The following TENM2 variants were observed in gnomAD, a reference collection of about 807,000 sequenced individuals.
TENM2 encodes the protein teneurin transmembrane protein 2.
A neutral mutation model predicts 245.2 loss-of-function variants in TENM2; 52 were observed. That is an observed-to-expected ratio of 0.21 (90% confidence interval 0.17 to 0.27). The LOEUF (loss-of-function observed/expected upper bound fraction) is 0.27, where lower values mean the gene tolerates loss of function less well. Ranked by LOEUF, TENM2 falls within the 10% of genes least tolerant of loss-of-function variation. TENM2 has a pLI of 1.00. For missense variants in TENM2, 3,046 were observed against 3,666.8 expected, an observed-to-expected ratio of 0.83 and a Z score of 4.37; for synonymous variants, 1,363 against 1,438.9, an observed-to-expected ratio of 0.95 and a Z score of 1.19.
rs146964540 is a variant in TENM2, at chr5:168,246,818, G to A, written c.5879G>A (p.Arg1960His). The A allele has an allele frequency of 5.5e-5, 88 of 1,613,830 alleles. 2 individuals are homozygous for A. The highest frequency in any genetic ancestry group is 4.4e-4 in the South Asian group (40 of 91,064). The change falls in exon 27 of 29, where the codon CGC becomes CAC. Residue 1960 changes from arginine to histidine, a missense_variant. Physicochemically the swap from Arg to His is conservative, Grantham distance 29. Around this residue, in one of 2 missense-constraint regions of TENM2, gnomAD observed 2,704 missense variants for 3,331.9 expected, o/e 0.81. Transcript: ENST00000518659. ...ATATTTGAGTATGACTCCTCTGACCGCCTCCTTGCCGTCACCATGCCCAGC... is the reference window on the plus strand; with the variant it reads ...ATATTTGAGTATGACTCCTCTGACCACCTCCTTGCCGTCACCATGCCCAGC...
chr5:167,125,846 T>A, the TENM2 span, among the ~76,000 whole-genome samples: 1 of 152,176 alleles, frequency 6.6e-6, no homozygotes, highest in South Asian at 2.1e-4. Flanking sequence ...CCACTTATGG[T>A]AACTAAAATG....
At chr5:167,897,174 G>A (rs1245945595) in intron 3 of TENM2, among the ~76,000 whole-genome samples, 4 of 152,160 alleles carry the variant, frequency 2.6e-5, no homozygotes, top group Admixed American at 6.5e-5. Flanking sequence ...TGATGAGCTG[G>A]TTTAGTTTAG....
At chr5:167,264,001 A>T in the TENM2 span, among the ~76,000 whole-genome samples, 1 of 151,526 alleles carries the variant, frequency 6.6e-6, no homozygotes, top group South Asian at 2.1e-4. Flanking sequence ...GCTACTTGGG[A>T]GGCTGAGGCA....
At chr5:167,477,080 G>A (rs1178582812) in intron 2 of TENM2, among the ~76,000 whole-genome samples, 4 of 152,042 alleles carry the variant, frequency 2.6e-5, no homozygotes, top group Non-Finnish European at 4.4e-5. Context: ...TTTCCTCAAG[G>A]CAACTATGAT....
At chr5:167,946,334 C>T (rs911768251) in intron 3 of TENM2, among the ~76,000 whole-genome samples, 6 of 146,034 alleles carry the variant, frequency 4.1e-5, no homozygotes, top group African/African-American at 1.3e-4. Flanking sequence ...CTGCTCATTC[C>T]TCATGCTGCC....
Position 168,195,283 on chromosome 5 carries a change from G to A in TENM2, c.2888G>A (p.Arg963His), listed in dbSNP as rs764709973. The change falls in exon 15 of 29, where the codon CGC (arginine) becomes CAC (histidine). Residue 963 changes from arginine to histidine, a missense_variant. By Grantham distance (29) the Arg-to-His change is conservative (BLOSUM62 0). Around this residue, in one of 2 missense-constraint regions of TENM2, gnomAD observed 2,704 missense variants for 3,331.9 expected, o/e 0.81. Coordinates refer to ENST00000518659, the Ensembl canonical transcript of TENM2. ...CCAAAATACGGCTACACCATCACCCGCCAGGATGGCACGTGAGTAGCTTTG... is the reference window on the plus strand; with the variant it reads ...CCAAAATACGGCTACACCATCACCCACCAGGATGGCACGTGAGTAGCTTTG... The A allele has an allele frequency of 1.0e-5, 16 of 1,588,942 alleles. No homozygotes were observed. Among genetic ancestry groups the A allele is most frequent in the African/African-American group, 6.7e-5 (5 of 74,502 alleles).
chr5:167,455,804 C>T (rs1042241176), intron 2 of TENM2, among the ~76,000 whole-genome samples: 9 of 152,064 alleles, frequency 5.9e-5, no homozygotes, highest in African/African-American at 2.2e-4. Context: ...GCAACAGCCA[C>T]GACCTTTTTT....
chr5:167,392,573 T>C (rs1761820493), intron 2 of TENM2, among the ~76,000 whole-genome samples: 1 of 152,116 alleles, frequency 6.6e-6, no homozygotes, highest in Admixed American at 6.6e-5. Flanking sequence ...TCTCCAACTC[T>C]CAGGCCTTGA....
At chr5:167,814,628 T>TA (rs200337604) in intron 2 of TENM2, among the ~76,000 whole-genome samples, 30 of 148,106 alleles carry the variant, frequency 2.0e-4, no homozygotes, top group Non-Finnish European at 3.0e-4. Context: ...GTATTTTATT[T>TA]AAAAAAAAAA....
intron 2 of TENM2, among the ~76,000 whole-genome samples, chr5:167,647,577 C>G (rs976216442): frequency 6.6e-6 from 1 of 152,030 alleles, no homozygotes; most frequent in East Asian, 1.9e-4. Context: ...GAGCCGAGAT[C>G]GCGCCATTGC....
At chr5:168,146,646 G>A (rs940786918) in intron 12 of TENM2, among the ~76,000 whole-genome samples, 35 of 152,120 alleles carry the variant, frequency 2.3e-4, no homozygotes, top group African/African-American at 7.5e-4. Context: ...AGAAACGGCC[G>A]GTCCCATTGC....
At chr5:167,790,499 T>G (rs1256253018) in intron 2 of TENM2, among the ~76,000 whole-genome samples, 3 of 151,938 alleles carry the variant, frequency 2.0e-5, no homozygotes, top group Non-Finnish European at 2.9e-5. Context: ...GGAACGAAAA[T>G]AGAGAGAGGA....
rs201309712 is a variant in TENM2 at position 167,331,259 on chromosome 5, GAAAA to G, written c.227-43936_227-43933del. Among the ~76,000 whole-genome samples the G allele has an allele frequency of 4.3e-4, 59 of 138,284 alleles. 1 individual carries two copies. The East Asian group carries it at 0.012, about 28-fold the overall frequency. 90.7% of individuals were successfully genotyped at this position (138,284 alleles called of 152,430 possible). The stretch of plus-strand genomic sequence containing the variant: ...TCAAAAAAAAAAAAAAAAAAGACAA[GAAAA>G]AAGAAAGAAAGGAAAAAAGAGAAGT... On this transcript the variant is annotated intron_variant, in intron 1 of 28. Coordinates refer to ENST00000518659, the Ensembl canonical transcript of TENM2.
chr5:167,237,080 A>C, the TENM2 span, among the ~76,000 whole-genome samples: 1 of 152,152 alleles, frequency 6.6e-6, no homozygotes, highest in Non-Finnish European at 1.5e-5. Context: ...TTCTGGATCA[A>C]CAAATATCTT....
intron 2 of TENM2, among the ~76,000 whole-genome samples, chr5:167,583,718 G>T (rs1377929540): frequency 6.6e-6 from 1 of 152,082 alleles, no homozygotes; most frequent in Non-Finnish European, 1.5e-5. Flanking sequence ...TCCTCAAGGG[G>T]TTCACAGTGT....
At chr5:167,845,703 G>A (rs1769981689) in intron 2 of TENM2, among the ~76,000 whole-genome samples, 1 of 152,122 alleles carries the variant, frequency 6.6e-6, no homozygotes, top group African/African-American at 2.4e-5. Context: ...GAGCTGTAGG[G>A]TTTGTGATCC....
chr5:168,072,826 C>T (rs955620888), intron 7 of TENM2, among the ~76,000 whole-genome samples: 3 of 152,160 alleles, frequency 2.0e-5, no homozygotes, highest in African/African-American at 4.8e-5. Context: ...ACACTTATAG[C>T]GCACTCTCAG....
chr5:167,755,118 T>C (rs1304506888), intron 2 of TENM2: 1 of 1,599,014 alleles, frequency 6.3e-7, no homozygotes, highest in East Asian at 2.2e-5. Context: ...CCAGATCATC[T>C]CTTATGGAGA....
chr5:167,406,748 T>C (rs1762657483), intron 2 of TENM2, among the ~76,000 whole-genome samples: 1 of 152,172 alleles, frequency 6.6e-6, no homozygotes, highest in South Asian at 2.1e-4. Flanking sequence ...TAGTTCTTTA[T>C]TGCATTTTCT....
Sources: gnomAD v4.1 joint callset for allele counts (sites outside exome capture counted in the v4.1 genomes callset) on GRCh38, gnomAD v4.1.1 for gene constraint, gnomAD v4.1.1 regional missense constraint, MANE v1.5 for transcripts, NCBI Gene and HGNC (gene_info 2026-07-23, HGNC 2026-07-21) for gene names.